The following APLF variants were observed in gnomAD, a reference collection of about 807,000 sequenced individuals.
The protein encoded by APLF is aprataxin and PNK-like factor.
A neutral mutation model predicts 55.6 loss-of-function variants in APLF; 61 were observed. The ratio of observed to expected loss-of-function variants is 1.10; its 90% CI spans 0.89 to 1.36. The LOEUF is 1.36. Ranked by LOEUF, APLF falls within the 40% of genes most tolerant of loss-of-function variation. The pLI is 0.00. For missense variants in APLF, 611 were observed against 602.5 expected (o/e 1.01, Z -0.15); for synonymous variants, 207 against 214.8 (o/e 0.96, Z 0.32).
At chr2:68,535,238 C>A (rs183417757) in intron 6 of APLF, 6 of 379,994 alleles carry the variant, frequency 1.6e-5, no homozygotes, top group African/African-American at 1.3e-4. Context: ...TGTTATATTT[C>A]ATTTTCATTG....
At chr2:68,572,678 A>T (rs1489735707) in intron 9 of APLF, among the ~76,000 whole-genome samples, 2 of 148,654 alleles carry the variant, frequency 1.3e-5, no homozygotes, top group African/African-American at 2.6e-5. Context: ...TCTACAAAAA[A>T]TAAAAAAAAT....
chr2:68,479,449 A>C lies in APLF; in HGVS notation c.97-10741A>C, dbSNP rs147535302. ...TCAGGGGTGAAGGATTTCAAGGTAT[A>C]GATATTGGAGAAATTCAAGAGCTAA... On this transcript the variant is annotated intron_variant, in intron 1 of 9. Transcript: ENST00000303795. Among the ~76,000 whole-genome samples the C allele has an allele frequency of 6.5e-3, 996 of 152,340 alleles. 7 individuals carry two copies. Among genetic ancestry groups the C allele is most frequent in the African/African-American group, 0.023 (948 of 41,584 alleles).
chr2:68,569,607 G>C (rs1177390879), intron 9 of APLF, among the ~76,000 whole-genome samples: 1 of 151,958 alleles, frequency 6.6e-6, no homozygotes, highest in Non-Finnish European at 1.5e-5. Flanking sequence ...GGCAAATAAT[G>C]ATGAGCCAAT....
chr2:68,488,329 CTT>C lies in APLF; in HGVS notation c.97-1843_97-1842del, dbSNP rs60462016. ...TATAAATGTGTTCTACATTTATTAT[CTT>C]TTTTTTTTTTTTTTTTTGAGGCAGG... is the stretch of plus-strand genomic sequence containing the variant. On this transcript the variant is annotated intron_variant, in intron 1 of 9. Coordinates refer to ENST00000303795, the MANE Select transcript of APLF (RefSeq NM_173545.3). Among the ~76,000 whole-genome samples, 1,230 of 128,778 alleles carry C rather than the reference CTT, an allele frequency of 9.6e-3. 14 individuals carry two copies. The highest frequency in any genetic ancestry group is 0.033 in the African/African-American group (1,119 of 34,016). The allele number at this position is 128,778 out of a possible 152,430, so 84.5% of individuals were successfully genotyped here.
At chr2:68,527,107 C>CA (rs1670084203) in intron 6 of APLF, among the ~76,000 whole-genome samples, 1 of 151,566 alleles carries the variant, frequency 6.6e-6, no homozygotes, top group South Asian at 2.1e-4. Flanking sequence ...AGGGGCTGGG[C>CA]AGAGGCGCTC....
chr2:68,487,029 C>T (rs574344781), intron 1 of APLF, among the ~76,000 whole-genome samples: 3 of 152,224 alleles, frequency 2.0e-5, no homozygotes, highest in African/African-American at 7.2e-5. Flanking sequence ...AGACCAACAT[C>T]AGTCATTTTC....
intron 1 of APLF, among the ~76,000 whole-genome samples, chr2:68,479,332 G>A (rs1046785552): frequency 6.6e-6 from 1 of 152,170 alleles, no homozygotes; most frequent in African/African-American, 2.4e-5. Context: ...CCTGCTGAAG[G>A]AAACTGTCCA....
chr2:68,472,243 A>C (rs1379284459), intron 1 of APLF, among the ~76,000 whole-genome samples: 1 of 152,118 alleles, frequency 6.6e-6, no homozygotes, highest in East Asian at 1.9e-4. Flanking sequence ...TATCTCCTGG[A>C]TCTGGAAAGG....
At chr2:68,517,560 A>C (rs1669656495) in intron 5 of APLF, among the ~76,000 whole-genome samples, 1 of 143,326 alleles carries the variant, frequency 7.0e-6, no homozygotes, top group South Asian at 2.2e-4. Flanking sequence ...TATGTTAATA[A>C]CATATAACAA....
chr2:68,574,647 A>C (rs994400615), intron 9 of APLF, among the ~76,000 whole-genome samples: 5 of 152,266 alleles, frequency 3.3e-5, no homozygotes, highest in Non-Finnish European at 7.3e-5. Flanking sequence ...AAAGGTAAAC[A>C]TAAAATGTAA....
intron 6 of APLF, among the ~76,000 whole-genome samples, chr2:68,534,905 C>T (rs1206329843): frequency 6.6e-6 from 1 of 152,154 alleles, no homozygotes; most frequent in African/African-American, 2.4e-5. Flanking sequence ...AGCAAACTTA[C>T]AAATTACTGC....
intron 8 of APLF, among the ~76,000 whole-genome samples, chr2:68,546,880 T>C (rs1670722131): frequency 6.6e-6 from 1 of 151,780 alleles, no homozygotes; most frequent in African/African-American, 2.4e-5. Flanking sequence ...AGTTCATCAT[T>C]ATGTGGCGAT....
At chr2:68,515,859 A>T (rs1669563860) in intron 5 of APLF, 11 of 551,222 alleles carry the variant, frequency 2.0e-5, no homozygotes, top group Non-Finnish European at 2.5e-5. Flanking sequence ...CCTGCTAATT[A>T]AAAGTTAAAA....
chr2:68,531,990 G>A (rs866185464), intron 6 of APLF, among the ~76,000 whole-genome samples: 3 of 152,104 alleles, frequency 2.0e-5, no homozygotes, highest in Non-Finnish European at 2.9e-5. Flanking sequence ...ACCTCTTCTA[G>A]CACAGGAAAA....
intron 5 of APLF, among the ~76,000 whole-genome samples, chr2:68,520,524 T>A (rs1458652554): frequency 1.3e-5 from 2 of 152,040 alleles, no homozygotes; most frequent in Non-Finnish European, 2.9e-5. Context: ...GTTTCATTCT[T>A]TTACATGTGG....
intron 8 of APLF, among the ~76,000 whole-genome samples, chr2:68,556,889 T>C (rs1320516456): frequency 6.6e-6 from 1 of 152,198 alleles, no homozygotes; most frequent in East Asian, 1.9e-4. Context: ...GCCTGTGTAG[T>C]GTGACAGAAC....
In APLF at chr2:68,503,345, C is replaced by T. The variant is rs534020505; in HGVS notation, c.341+442C>T. ...TAGCAGAAAATATAGAACAGAGAAA[C>T]TGAGGAAATGAGGTATTAGAATAAA... On this transcript the variant is annotated intron_variant, in intron 3 of 9. Transcript: ENST00000303795. Among the ~76,000 whole-genome samples the T allele has an allele frequency of 7.9e-5, 12 of 152,060 alleles. No homozygotes were observed. The East Asian group carries it at 1.9e-3, about 24-fold the overall frequency.
chr2:68,533,713 A>G (rs1446758055), intron 6 of APLF, among the ~76,000 whole-genome samples: 1 of 152,106 alleles, frequency 6.6e-6, no homozygotes, highest in African/African-American at 2.4e-5. Context: ...TCCCTGTACC[A>G]TGAAGTAGCC....
intron 6 of APLF, among the ~76,000 whole-genome samples, chr2:68,526,756 C>G (rs562056822): frequency 6.6e-6 from 1 of 152,060 alleles, no homozygotes; most frequent in Non-Finnish European, 1.5e-5. Flanking sequence ...GGTGCGATCT[C>G]GGCTCACTGC....
Sources: allele counts gnomAD v4.1 joint callset (sites outside exome capture counted in the v4.1 genomes callset), GRCh38; gene constraint gnomAD v4.1.1; transcripts MANE v1.5; gene names NCBI Gene and HGNC (gene_info 2026-07-23, HGNC 2026-07-21).